FAM118A: variants seen among roughly 807,000 people sequenced by gnomAD.
FAM118A encodes the protein protein FAM118A.
In FAM118A, 25 loss-of-function variants were observed where a neutral mutation model predicts 38.2. The ratio of observed to expected loss-of-function variants is 0.65; its 90% CI spans 0.48 to 0.91. FAM118A has a LOEUF of 0.91. FAM118A is among the 40% of genes least tolerant of loss of function. The pLI, the probability that FAM118A is intolerant of heterozygous loss-of-function variation, is 0.00. For missense variants in FAM118A, 425 were observed against 463.3 expected (o/e 0.92, Z 0.76); for synonymous variants, 178 against 184.1 (o/e 0.97, Z 0.27).
At chr22:45,334,822 G>GC (rs1431873614) in intron 6 of FAM118A, among the ~76,000 whole-genome samples, 1 of 152,124 alleles carries the variant, frequency 6.6e-6, no homozygotes, top group African/African-American at 2.4e-5. Context: ...TCTCATCTCT[G>GC]CCCCCGTCCG....
At chr22:45,323,772 C>T (rs980807875) in intron 3 of FAM118A, among the ~76,000 whole-genome samples, 1 of 152,170 alleles carries the variant, frequency 6.6e-6, no homozygotes, top group Non-Finnish European at 1.5e-5. Flanking sequence ...TGTAAGCAGG[C>T]CGGCCATATT....
intron 3 of FAM118A, among the ~76,000 whole-genome samples, chr22:45,324,226 T>C (rs1251979519): frequency 1.3e-5 from 2 of 152,214 alleles, no homozygotes; most frequent in African/African-American, 4.8e-5. Flanking sequence ...CATGGCTTCA[T>C]GTGAGCACCT....
rs968891165 is a variant in FAM118A at position 45,310,018 on chromosome 22, T to C, written c.-175T>C. On this transcript the variant is annotated 5_prime_UTR_variant, in exon 1 of 9. Coordinates refer to ENST00000441876, the MANE Select transcript of FAM118A (RefSeq NM_017911.4). ...CTGGCTCCGACTCCGGCTCTCGCTC[T>C]CGCTTCTAGCCCGCGTGCCTGCGCA... 1.3e-5 allele frequency: 2 copies of C among 152,092 alleles called. No homozygotes were observed. The highest frequency in any genetic ancestry group is 4.8e-5 in the African/African-American group (2 of 41,404). 9.4% of individuals were successfully genotyped at this position (152,092 alleles called of 1,614,324 possible). A position where few individuals can be genotyped will look rare whatever the true frequency, so the allele number is the denominator to read the frequency against.
intron 1 of FAM118A, among the ~76,000 whole-genome samples, chr22:45,316,410 A>C (rs999540945): frequency 5.3e-5 from 8 of 152,154 alleles, no homozygotes; most frequent in Non-Finnish European, 1.0e-4. Flanking sequence ...TGGCTGTGAA[A>C]AAGGAAGTTT....
chr22:45,333,122 C>T (rs1432178040), intron 6 of FAM118A, among the ~76,000 whole-genome samples: 1 of 152,160 alleles, frequency 6.6e-6, no homozygotes, highest in Admixed American at 6.5e-5. Context: ...AACCCACATA[C>T]CCCTAAAATT....
intron 2 of FAM118A, 105 bp downstream of exon 2, chr22:45,322,531 A>G (rs2146627410): frequency 3.0e-6 from 3 of 985,344 alleles, no homozygotes; most frequent in South Asian, 3.1e-5. Context: ...CGAAAGTGAA[A>G]TGGAAACACT....
At chr22:45,310,358 CCCCGAAACT>C in intron 1 of FAM118A, among the ~76,000 whole-genome samples, 175 bp downstream of exon 1, 1 of 151,820 alleles carries the variant, frequency 6.6e-6, no homozygotes, top group Middle Eastern at 3.4e-3. Flanking sequence ...GGCCCGCGAA[CCCCGAAACT>C]CCAAGATTTT....
At chr22:45,323,563 T>C (rs1601916207) in intron 3 of FAM118A, 136 bp downstream of exon 3, 1 of 1,136,932 alleles carries the variant, frequency 8.8e-7, no homozygotes, top group East Asian at 2.5e-5. Context: ...GAGCCAGAAA[T>C]CCTTGAGTCC....
chr22:45,336,839 C>T (rs2086136301), intron 8 of FAM118A, among the ~76,000 whole-genome samples: 1 of 152,236 alleles, frequency 6.6e-6, no homozygotes, highest in African/African-American at 2.4e-5. Flanking sequence ...CCAGCCTCCT[C>T]CAGCCCCCAA....
rs140596786 is a variant in FAM118A at position 45,332,835 on chromosome 22, C to T, written c.937+125C>T. On this transcript the variant is annotated intron_variant, in intron 6 of 8. Transcript: ENST00000441876. ...CATCTTGGCTCACCACAACCTCCGC[C>T]TCCTAGGTTCAAGGGATTCTGCCTC... 421 of 997,320 alleles carry T rather than the reference C, an allele frequency of 4.2e-4. 3 individuals are homozygous for T. In the African/African-American group the frequency reaches 5.4e-3, roughly 13 times the overall value. 61.8% of individuals were successfully genotyped at this position (997,320 alleles called of 1,614,324 possible).
intron 6 of FAM118A, chr22:45,334,950 C>T (rs2085982139): frequency 5.4e-6 from 1 of 183,616 alleles, no homozygotes; most frequent in South Asian, 1.6e-4. Context: ...CCTCCCTTTC[C>T]AGGTTGGGGC....
chr22:45,337,002 C>T (rs1036670656), intron 8 of FAM118A, among the ~76,000 whole-genome samples: 5 of 152,226 alleles, frequency 3.3e-5, no homozygotes, highest in African/African-American at 1.2e-4. Context: ...TCTCTGTTGA[C>T]GCTATGAAGG....
chr22:45,309,090 T>TA (rs1426837390), upstream of FAM118A: 4 of 152,202 alleles, frequency 2.6e-5, no homozygotes, highest in Non-Finnish European at 5.9e-5. Flanking sequence ...AGGTAGGTGC[T>TA]AGGATCACAC....
At chr22:45,317,055 A>G (rs1238228645) in intron 1 of FAM118A, among the ~76,000 whole-genome samples, 3 of 152,178 alleles carry the variant, frequency 2.0e-5, no homozygotes, top group African/African-American at 7.2e-5. Flanking sequence ...AAACTGCTCA[A>G]AGCCCATGTG....
At chr22:45,322,283 T>C in intron 1 of FAM118A, 88 bp from the exon 2 acceptor site, 1 of 1,585,232 alleles carries the variant, frequency 6.3e-7, no homozygotes, top group Non-Finnish European at 8.6e-7. Context: ...CCTTTGATTT[T>C]AATTCTAGCC....
intron 1 of FAM118A, among the ~76,000 whole-genome samples, chr22:45,316,497 C>A (rs2084611903): frequency 6.6e-6 from 1 of 152,182 alleles, no homozygotes; most frequent in Admixed American, 6.5e-5. Context: ...CCATAGCATG[C>A]AGTCATCTGT....
intron 1 of FAM118A, among the ~76,000 whole-genome samples, chr22:45,314,265 G>A (rs1178199316): frequency 6.6e-6 from 1 of 152,220 alleles, no homozygotes; most frequent in Admixed American, 6.5e-5. Context: ...ACTGTGCAGG[G>A]GCTGGTCTTT....
intron 1 of FAM118A, among the ~76,000 whole-genome samples, chr22:45,320,503 C>T (rs772907460): frequency 2.0e-4 from 30 of 151,544 alleles, no homozygotes; most frequent in Non-Finnish European, 2.9e-4. Flanking sequence ...GTGGCACAGT[C>T]GTGGTTCACT....
At position 45,335,203 on chromosome 22, in the gene FAM118A, C is replaced by T. The variant is rs1242931791; in HGVS notation, c.938-147C>T. 19 of 749,320 alleles carry T rather than the reference C, an allele frequency of 2.5e-5. No individual in the cohort carries two copies. The Admixed American group carries it at 3.9e-4, about 16-fold the overall frequency. 46.4% of individuals were successfully genotyped at this position (749,320 alleles called of 1,614,324 possible). A position where few individuals can be genotyped will look rare whatever the true frequency, so the allele number is the denominator to read the frequency against. ...GGGAGGTAGAGGTGAGGGCAGCGAG[C>T]AGCGCAGGAGTCCGCAGCCCGCGCG... On this transcript the variant is annotated intron_variant, in intron 6 of 8. Coordinates refer to ENST00000441876, the MANE Select transcript of FAM118A (RefSeq NM_017911.4).
Sources: gnomAD v4.1 joint callset for allele counts (sites outside exome capture counted in the v4.1 genomes callset) on GRCh38, gnomAD v4.1.1 for gene constraint, MANE v1.5 for transcripts, NCBI Gene and HGNC (gene_info 2026-07-23, HGNC 2026-07-21) for gene names.